Variants in CSTF2 observed in about 807,000 individuals in gnomAD.
The protein encoded by CSTF2 is CF-1 64 kDa subunit.
Under a neutral mutation model 45.4 loss-of-function variants are expected in CSTF2, and 8 were observed. That is an observed-to-expected ratio of 0.18 (90% CI 0.10 to 0.32). CSTF2 has a LOEUF of 0.32. Ranked by LOEUF, CSTF2 falls within the 10% of genes least tolerant of loss-of-function variation. CSTF2 has a pLI of 1.00. For synonymous variants in CSTF2, 155 were observed against 158.9 expected (o/e 0.98, Z 0.18); for missense variants, 253 against 477.1 (o/e 0.53, Z 4.38).
intron 7 of CSTF2, among the ~76,000 whole-genome samples, chrX:100,827,275 A>G (rs1347985215): frequency 8.9e-6 from 1 of 112,291 alleles, no homozygotes; most frequent in African/African-American, 3.2e-5. Context: ...ACAAACAACA[A>G]AAGGGAAAAA....
intron 11 of CSTF2, among the ~76,000 whole-genome samples, chrX:100,836,674 C>A (rs2085010474): frequency 8.9e-6 from 1 of 111,912 alleles, no homozygotes; most frequent in African/African-American, 3.2e-5. Flanking sequence ...ATCTTAAGTA[C>A]CAGTAAGTAT....
intron 1 of CSTF2, 75 bp downstream of exon 1, chrX:100,820,549 G>A: frequency 9.3e-7 from 1 of 1,070,285 alleles, no homozygotes; most frequent in Non-Finnish European, 1.3e-6. Context: ...AATCGCTACC[G>A]GAGCCGCTGA....
At chrX:100,824,322 A>G in intron 6 of CSTF2, 65 bp downstream of exon 6, 3 of 1,038,226 alleles carry the variant, frequency 2.9e-6, no homozygotes, top group Non-Finnish European at 3.8e-6. Flanking sequence ...TTTTAGGAGA[A>G]TATATTGAAA....
At position 100,833,315 on chromosome X, in the gene CSTF2, G is replaced by A; in HGVS notation, c.1343G>A (p.Arg448Gln). ...RAMEARAMEA[R>Q]AMEARAMEVR... is the part of the protein sequence containing the mutation. ...ATGGAAGCTCGTGCAATGGAGGCCCGAGCGATGGAGGCCCGTGCAATGGAA... is the reference window on the plus strand; with the variant it reads ...ATGGAAGCTCGTGCAATGGAGGCCCAAGCGATGGAGGCCCGTGCAATGGAA... The change falls in exon 11 of 14, where the codon CGA (arginine) becomes CAA (glutamine). Residue 448 changes from arginine (R) to glutamine (Q), a missense_variant. Arg to Gln is a conservative substitution (Grantham distance 43). Transcript: ENST00000372972. 4.1e-6 allele frequency: 5 copies of A among 1,210,315 alleles called. No homozygotes were observed. The highest frequency in any genetic ancestry group is 5.6e-6 in the Non-Finnish European group (5 of 894,974).
At chrX:100,838,129 C>T (rs895696898) in intron 12 of CSTF2, 110 bp from the exon 13 acceptor site, 1 of 779,893 alleles carries the variant, frequency 1.3e-6, no homozygotes, top group Non-Finnish European at 1.7e-6. Flanking sequence ...GCTTCATATC[C>T]CACTACAGTA....
At chrX:100,831,900 T>G (rs1569440246) in intron 9 of CSTF2, among the ~76,000 whole-genome samples, 1 of 112,112 alleles carries the variant, frequency 8.9e-6, no homozygotes. Flanking sequence ...ACAGGGAAAT[T>G]TATAGTAGTG....
rs750155710 is a variant in CSTF2, at chrX:100,833,701, A to G, written c.1500+229A>G. Among the ~76,000 whole-genome samples, 21 of 111,842 alleles carry G rather than the reference A, an allele frequency of 1.9e-4. No individual in the cohort carries two copies. In the Admixed American group the frequency reaches 1.9e-3, roughly 10 times the overall value. ...CTTATCCCACAATAAATAGCTATTC[A>G]TTTGGAGCAGAGCCCCTGAAAATTT... is the stretch of plus-strand genomic sequence containing the variant. On this transcript the variant is annotated intron_variant, in intron 11 of 13. Transcript: ENST00000372972.
intron 11 of CSTF2, among the ~76,000 whole-genome samples, chrX:100,834,153 G>A (rs992697789): frequency 9.0e-6 from 1 of 111,569 alleles, no homozygotes; most frequent in Admixed American, 9.5e-5. Context: ...GAGGTGGTAT[G>A]TGTGTTTCTT....
chrX:100,830,842 G>A (rs2084971337), intron 8 of CSTF2: 2 of 1,153,090 alleles, frequency 1.7e-6, no homozygotes, highest in Non-Finnish European at 1.1e-6. Flanking sequence ...GACCCGCCGG[G>A]CCTGCATCAA....
intron 13 of CSTF2, among the ~76,000 whole-genome samples, chrX:100,838,605 C>T (rs2085022921): frequency 9.0e-6 from 1 of 111,459 alleles, no homozygotes; most frequent in Non-Finnish European, 1.9e-5. Flanking sequence ...ATCAGTTTAA[C>T]AAAAGTAATC....
Position 100,826,730 on chromosome X carries a change from C to T in CSTF2, c.799C>T (p.Pro267Ser). 1 of 1,209,968 alleles carries T rather than the reference C, an allele frequency of 8.3e-7. No homozygotes were observed. The highest frequency in any genetic ancestry group is 1.1e-6 in the Non-Finnish European group (1 of 894,485). The change falls in exon 7 of 14, where the codon CCT becomes TCT. Residue 267 changes from proline (P) to serine (S), a missense_variant. By Grantham distance (74) the Pro-to-Ser change is moderately conservative. This residue lies in a region of CSTF2 where 200 missense variants were observed against 294.0 expected (regional missense o/e 0.68). Transcript: ENST00000372972. ...PGQMPAAVTG[P>S]GPGSLAPGGG... ...GCAAATGCCAGCTGCTGTCACAGGA[C>T]CTGGCCCTGGTTCCTTAGCTCCTGG...
Position 100,823,774 on chromosome X carries a change from A to T in CSTF2, c.445-112A>T, listed in dbSNP as rs2071866. 5.1e-3 allele frequency: 4,655 copies of T among 913,001 alleles called. 188 individuals carry two copies. In the East Asian group the frequency reaches 0.12, roughly 23 times the overall value. The allele number at this position is 913,001 out of a possible 1,213,427, so 75.2% of individuals were successfully genotyped here. On this transcript the variant is annotated intron_variant, in intron 4 of 13. Transcript: ENST00000372972. ...CCAAGGTTTTTTTGTGCCATGCAAA[A>T]ACTAATGATAAAGAGCCTCTTGAAT...
intron 1 of CSTF2, 27 bp downstream of exon 1, chrX:100,820,501 T>C: frequency 1.7e-6 from 2 of 1,193,900 alleles, no homozygotes; most frequent in Non-Finnish European, 2.3e-6. Context: ...GTAGTCAAGC[T>C]TCGGGGAGGG....
At chrX:100,822,995 C>T (rs1367220412) in intron 3 of CSTF2, among the ~76,000 whole-genome samples, 1 of 111,687 alleles carries the variant, frequency 9.0e-6, no homozygotes, top group Non-Finnish European at 1.9e-5. Flanking sequence ...GTATTTTTCT[C>T]TTTTAACCTT....
intron 8 of CSTF2, among the ~76,000 whole-genome samples, chrX:100,830,217 C>A (rs2084967310): frequency 1.8e-5 from 2 of 112,119 alleles, no homozygotes; most frequent in Non-Finnish European, 3.8e-5. Context: ...CTTGCTGTGG[C>A]AGAGTATTTC....
chrX:100,838,507 G>C, intron 13 of CSTF2, 143 bp downstream of exon 13: 2 of 433,144 alleles, frequency 4.6e-6, no homozygotes, highest in Non-Finnish European at 7.3e-6. Flanking sequence ...CAGTAGGTCA[G>C]CTCCTGTAGG....
At chrX:100,833,876 C>T (rs137886664) in intron 11 of CSTF2, among the ~76,000 whole-genome samples, 1,633 of 111,623 alleles carry the variant, frequency 0.015, 31 homozygotes, top group African/African-American at 0.051. Flanking sequence ...AAACTTCCCC[C>T]AAATGATTCT....
intron 13 of CSTF2, among the ~76,000 whole-genome samples, chrX:100,840,310 TCAAA>T (rs2085032646): frequency 8.9e-6 from 1 of 112,199 alleles, no homozygotes; most frequent in Admixed American, 9.5e-5. Context: ...TGAATGGTTC[TCAAA>T]CAAGGGCAGT....
intron 4 of CSTF2, 150 bp downstream of exon 4, chrX:100,823,578 C>T: frequency 4.6e-6 from 3 of 652,101 alleles, no homozygotes; most frequent in Non-Finnish European, 4.5e-6. Flanking sequence ...GTATATTTTA[C>T]ATTTTGTACA....
Sources: gnomAD v4.1 joint callset for allele counts (sites outside exome capture counted in the v4.1 genomes callset) on GRCh38, gnomAD v4.1.1 for gene constraint, gnomAD v4.1.1 regional missense constraint, MANE v1.5 for transcripts, NCBI Gene and HGNC (gene_info 2026-07-23, HGNC 2026-07-21) for gene names.